The following GNL3 variants were observed in gnomAD, a reference collection of about 807,000 sequenced individuals.
GNL3 encodes G protein nucleolar 3.
In GNL3, 77 loss-of-function variants were observed where a neutral mutation model predicts 70.6. That is an observed-to-expected ratio of 1.09 (90% CI 0.91 to 1.32). GNL3 has a LOEUF of 1.32. Among genes scored for constraint, GNL3 ranks in the 40% most tolerant of loss-of-function variants. The probability of loss-of-function intolerance (pLI) is 0.00; values close to 1 mark genes in which losing one functional copy is unlikely to be tolerated. For missense variants in GNL3, 634 were observed against 644.0 expected, an observed-to-expected ratio of 0.98 and a Z score of 0.17; for synonymous variants, 252 against 216.1, an observed-to-expected ratio of 1.17 and a Z score of -1.46.
Position 52,692,987 on chromosome 3 carries a change from G to A in GNL3, c.985G>A (p.Glu329Lys), listed in dbSNP as rs1468963538. 1.1e-5 allele frequency: 17 copies of A among 1,614,072 alleles called. No individual in the cohort carries two copies. Among genetic ancestry groups the A allele is most frequent in the Non-Finnish European group, 1.4e-5 (17 of 1,180,034 alleles). The change falls in exon 10 of 15, where the codon GAA becomes AAA. Residue 329 changes from glutamate (E) to lysine (K), a missense_variant. Physicochemically the swap from Glu to Lys is moderately conservative, Grantham distance 56 (BLOSUM62 1). Transcript: ENST00000418458. ...TGCTCTGCGAAGTCCAGCAAGTATT[G>A]AAGTAGTAAAACCGATGGAGGCTGC... ...ALALRSPASI[E>K]VVKPMEAASA... is the part of the protein sequence containing the mutation.
At position 52,693,947 on chromosome 3, in the gene GNL3, CAA is replaced by C; in HGVS notation, c.1501-88_1501-87del. On this transcript the variant is annotated intron_variant, in intron 13 of 14. Coordinates refer to ENST00000418458, the MANE Select transcript of GNL3 (RefSeq NM_014366.5). Reference sequence around the variant, plus strand: ...TTGCACATCCCGTTATATGTACCTCCAAAGAGTTAATTTTTCAGGTACATAAC... The same window carrying C: ...TTGCACATCCCGTTATATGTACCTCCAGAGTTAATTTTTCAGGTACATAAC... 3.8e-6 allele frequency: 5 copies of C among 1,317,556 alleles called. No individual in the cohort carries two copies. The South Asian group carries it at 4.9e-5, about 13-fold the overall frequency. 81.6% of individuals were successfully genotyped at this position (1,317,556 alleles called of 1,614,324 possible). A position where few individuals can be genotyped will look rare whatever the true frequency, so the allele number is the denominator to read the frequency against.
rs2097330647 is a variant in GNL3, at chr3:52,694,342, T to TAAG, written c.*68_*70dup. 1.2e-6 allele frequency: 1 copy of TAAG among 850,514 alleles called. No homozygotes were observed. The highest frequency in any genetic ancestry group is 2.5e-5 in the East Asian group (1 of 40,704). The allele number at this position is 850,514 out of a possible 1,614,324, so 52.7% of individuals were successfully genotyped here. A position where few individuals can be genotyped will look rare whatever the true frequency, so the allele number is the denominator to read the frequency against. ...GCAGACTGCTAAACTGTTCTCTGTA[T>TAAG]AAGTTATGGTATGCATGAGCTGTGT... On this transcript the variant is annotated 3_prime_UTR_variant, in exon 15 of 15. Transcript: ENST00000418458.
At chr3:52,686,464 C>G (rs1271904443) in intron 1 of GNL3, 1 of 570,972 alleles carries the variant, frequency 1.8e-6, no homozygotes, top group African/African-American at 1.9e-5. Flanking sequence ...CAGTGTTCCT[C>G]TCCTGCCTTA....
intron 4 of GNL3, chr3:52,687,865 A>T: frequency 3.4e-6 from 2 of 589,652 alleles, no homozygotes; most frequent in Non-Finnish European, 6.0e-6. Flanking sequence ...CACCCAACTC[A>T]GCCTCCCGAA....
Position 52,690,562 on chromosome 3 carries a change from C to T in GNL3, c.542-30C>T, listed in dbSNP as rs145507302. On this transcript the variant is annotated intron_variant, in intron 6 of 14. Transcript: ENST00000418458. ...ACAGGCGTGAGCCACCGTGCCTGGCCGCAAATGTCTTATTTCTAATTGCTA... is the reference window on the plus strand; with the variant it reads ...ACAGGCGTGAGCCACCGTGCCTGGCTGCAAATGTCTTATTTCTAATTGCTA... The T allele has an allele frequency of 6.2e-3, 8,283 of 1,340,906 alleles. 68 individuals carry two copies. Among genetic ancestry groups the T allele is most frequent in the South Asian group, 0.025 (2,131 of 85,428 alleles). 83.1% of individuals were successfully genotyped at this position (1,340,906 alleles called of 1,614,324 possible). A position where few individuals can be genotyped will look rare whatever the true frequency, so the allele number is the denominator to read the frequency against.
At chr3:52,691,836 G>A (rs2097327653) in intron 9 of GNL3, among the ~76,000 whole-genome samples, 1 of 151,768 alleles carries the variant, frequency 6.6e-6, no homozygotes, top group African/African-American at 2.4e-5. Context: ...CAGAGTAGCT[G>A]GGATTACAGG....
rs2097324023 is a variant in GNL3 at position 52,688,154 on chromosome 3, C to T, written c.370C>T (p.Gln124Ter). The T allele has an allele frequency of 1.2e-6, 2 of 1,611,246 alleles. No individual in the cohort carries two copies. The highest frequency in any genetic ancestry group is 1.7e-6 in the Non-Finnish European group (2 of 1,177,496). The change falls in exon 5 of 15, where the codon CAG becomes TAG. Residue 124 changes from glutamine to a stop codon, truncating the protein, a stop_gained. Transcript: ENST00000418458. LOFTEE classifies it high-confidence loss of function. ...TGAGAACAAAGCCAAGTCGGGCAAA[C>T]AGAATTCAAAGAAGCTGTACTGCCA... ...KTENKAKSGKQNSKKLYCQEL... is the reference protein window; with the variant it reads ...KTENKAKSGK
At chr3:52,690,485 G>A (rs2097326215) in intron 6 of GNL3, 107 bp from the exon 7 acceptor site, 4 of 675,304 alleles carry the variant, frequency 5.9e-6, no homozygotes, top group Non-Finnish European at 1.1e-5. Flanking sequence ...GGATGGTCTT[G>A]ATCTCCTGAA....
In GNL3 at chr3:52,693,507, G is replaced by A; in HGVS notation, c.1287G>A (p.Leu429=). The A allele has an allele frequency of 6.2e-7, 1 of 1,614,102 alleles. No individual in the cohort carries two copies. The highest frequency in any genetic ancestry group is 8.5e-7 in the Non-Finnish European group (1 of 1,180,020). ...TAGACATGAAAAGCGGCTTCAATCTGGAAGAACTGGAAAAGAACAATGCAC... is the reference window on the plus strand; with the variant it reads ...TAGACATGAAAAGCGGCTTCAATCTAGAAGAACTGGAAAAGAACAATGCAC... ...IVVDMKSGFN[L]EELEKNNAQS... The change falls in exon 12 of 15, where the codon CTG becomes CTA. Residue 429 remains leucine, a synonymous_variant. Transcript: ENST00000418458.
At chr3:52,687,141 A>T in intron 2 of GNL3, 105 bp from the exon 3 acceptor site, 5 of 929,882 alleles carry the variant, frequency 5.4e-6, no homozygotes, top group Non-Finnish European at 8.3e-6. Flanking sequence ...TTCCTAGGAC[A>T]TTTTATAGGC....
intron 2 of GNL3, chr3:52,687,029 T>A: frequency 1.6e-6 from 1 of 630,696 alleles, no homozygotes; most frequent in Non-Finnish European, 2.8e-6. Flanking sequence ...CTAAATTTGT[T>A]CAGCATGTTA....
chr3:52,690,563 G>A (rs367754230), intron 6 of GNL3, 29 bp from the exon 7 acceptor site: 7 of 1,347,910 alleles, frequency 5.2e-6, no homozygotes, highest in South Asian at 2.3e-5. Flanking sequence ...GTGCCTGGCC[G>A]CAAATGTCTT....
At chr3:52,690,475 G>C in intron 6 of GNL3, 117 bp from the exon 7 acceptor site, 1 of 646,180 alleles carries the variant, frequency 1.5e-6, no homozygotes, top group Non-Finnish European at 2.8e-6. Context: ...GTGTTAGCCA[G>C]GATGGTCTTG....
intron 5 of GNL3, 95 bp from the exon 6 acceptor site, chr3:52,688,979 A>G (rs2097324729): frequency 6.2e-6 from 6 of 974,644 alleles, no homozygotes; most frequent in Middle Eastern, 2.3e-4. Context: ...GGATAATGCC[A>G]GTACTCTCTT....
At position 52,686,071 on chromosome 3, in the gene GNL3, T is replaced by C; in HGVS notation, c.-22T>C. ...GCCAGCGGAGGCAGGTTGATGTGTT[T>C]GTGCTTCCTTCTACAGCCAATATGA... is the stretch of plus-strand genomic sequence containing the variant. On this transcript the variant is annotated 5_prime_UTR_variant, in exon 1 of 15. Coordinates refer to ENST00000418458, the MANE Select transcript of GNL3 (RefSeq NM_014366.5). 1 of 1,118,184 alleles carries C rather than the reference T, an allele frequency of 8.9e-7. No homozygotes were observed. Among genetic ancestry groups the C allele is most frequent in the South Asian group, 1.2e-5 (1 of 81,226 alleles). The allele number at this position is 1,118,184 out of a possible 1,614,324, so 69.3% of individuals were successfully genotyped here.
intron 1 of GNL3, 100 bp from the exon 2 acceptor site, chr3:52,686,669 G>A: frequency 1.2e-6 from 1 of 863,584 alleles, no homozygotes; most frequent in Non-Finnish European, 1.9e-6. Flanking sequence ...TTAACGTTAG[G>A]TTTGGTAGCC....
chr3:52,691,882 AAT>A (rs1474254558), intron 9 of GNL3, among the ~76,000 whole-genome samples: 3 of 151,974 alleles, frequency 2.0e-5, no homozygotes, highest in Non-Finnish European at 4.4e-5. Context: ...TTGTATTTTT[AAT>A]AGAGACGGGT....
Position 52,693,692 on chromosome 3 carries a change from G to A in GNL3, c.1385G>A (p.Gly462Glu). ...ILFQSSGLTN[G>E]IIEEKDIHEE... is the part of the protein sequence containing the mutation. ...TTCCAGTCTTCCGGTCTGACAAATG[G>A]AATAATAGAAGAAAAGGACATACAT... Residue 462 changes from glycine (G) to glutamate (E), a missense_variant, in exon 13 of 15, where the codon GGA becomes GAA. Transcript: ENST00000418458. 6.2e-7 allele frequency: 1 copy of A among 1,614,064 alleles called. No homozygotes were observed.
intron 9 of GNL3, 122 bp from the exon 10 acceptor site, chr3:52,692,750 G>C: frequency 1.3e-6 from 1 of 793,050 alleles, no homozygotes; most frequent in Non-Finnish European, 2.3e-6. Context: ...TGAAGCAAAT[G>C]ATGATAAACT....
Sources: gnomAD v4.1 joint callset for allele counts (sites outside exome capture counted in the v4.1 genomes callset) on GRCh38, gnomAD v4.1.1 for gene constraint, MANE v1.5 for transcripts, NCBI Gene and HGNC (gene_info 2026-07-23, HGNC 2026-07-21) for gene names.